Variants in MEIOB observed in about 807,000 individuals in gnomAD.
The protein encoded by MEIOB is meiosis specific with OB-fold, also known as meiosis-specific with OB domain-containing protein.
Under a neutral mutation model 53.1 loss-of-function variants are expected in MEIOB, and 50 were observed. That is an observed-to-expected ratio of 0.94 (90% CI 0.75 to 1.19). MEIOB has a LOEUF of 1.19. Among genes scored for constraint, MEIOB ranks in the 50% most tolerant of loss-of-function variants. The probability of loss-of-function intolerance (pLI) is 0.00; values close to 1 mark genes in which losing one functional copy is unlikely to be tolerated. For missense variants in MEIOB, 551 were observed against 550.8 expected, an observed-to-expected ratio of 1.00 and a Z score of 0.00; for synonymous variants, 192 against 182.5, an observed-to-expected ratio of 1.05 and a Z score of -0.42.
intron 9 of MEIOB, among the ~76,000 whole-genome samples, chr16:1,846,541 G>C (rs571212183): frequency 2.0e-5 from 3 of 152,108 alleles, no homozygotes; most frequent in Non-Finnish European, 4.4e-5. Flanking sequence ...CAAAGACATG[G>C]AACCAGCCCA....
intron 4 of MEIOB, among the ~76,000 whole-genome samples, chr16:1,860,876 C>G (rs1407375864): frequency 6.6e-6 from 1 of 152,134 alleles, no homozygotes; most frequent in African/African-American, 2.4e-5. Flanking sequence ...GGGGAGTCAG[C>G]TGCTTGAGAC....
At chr16:1,865,094 G>C (rs949994672) in intron 3 of MEIOB, among the ~76,000 whole-genome samples, 3 of 152,062 alleles carry the variant, frequency 2.0e-5, no homozygotes, top group African/African-American at 7.2e-5. Context: ...GACCAGCCTG[G>C]GCAACAGAGC....
At chr16:1,861,957 A>T (rs763795966) in intron 4 of MEIOB, 28 bp downstream of exon 4, 6 of 1,545,084 alleles carry the variant, frequency 3.9e-6, no homozygotes, top group Non-Finnish European at 5.2e-6. Context: ...CTATGATGGA[A>T]AAAGTTTAAG....
At chr16:1,846,555 G>A (rs62038437) in intron 9 of MEIOB, among the ~76,000 whole-genome samples, 26,572 of 152,016 alleles carry the variant, frequency 0.17, 2,431 homozygotes, top group South Asian at 0.26. Context: ...CAGCCCAAAT[G>A]ACCATCAGTG....
chr16:1,844,214 C>T (rs922607760), intron 10 of MEIOB, among the ~76,000 whole-genome samples: 2 of 151,234 alleles, frequency 1.3e-5, no homozygotes, highest in Admixed American at 6.6e-5. Context: ...CCTCCGCCTC[C>T]TGGGTTCAAG....
intron 9 of MEIOB, 64 bp from the exon 10 acceptor site, chr16:1,845,027 C>G: frequency 1.4e-6 from 1 of 728,436 alleles, no homozygotes; most frequent in Middle Eastern, 3.7e-4. Context: ...ACATTTAAAT[C>G]ATCCAAAATC....
intron 12 of MEIOB, among the ~76,000 whole-genome samples, chr16:1,838,888 C>T (rs889542709): frequency 2.0e-5 from 3 of 152,134 alleles, no homozygotes; most frequent in East Asian, 1.9e-4. Flanking sequence ...AATGGGGTTT[C>T]GCCATATTGG....
chr16:1,856,979 G>A (rs567425297), intron 6 of MEIOB, among the ~76,000 whole-genome samples: 226 of 152,176 alleles, frequency 1.5e-3, no homozygotes, highest in African/African-American at 5.1e-3. Flanking sequence ...GCCCCAGGCT[G>A]GTCTTGAACT....
At position 1,854,176 on chromosome 16, in the gene MEIOB, T is replaced by C; in HGVS notation, c.553A>G (p.Thr185Ala). Reference protein sequence around the residue: ...KSVGEPKYFTTSDRRKGQRCE... With the variant: ...KSVGEPKYFTASDRRKGQRCE... ...CTCTGGCCTTTTCTCCGGTCTGAAG[T>C]TGTAAAGTATTTTGGCTCTCCAACC... is the stretch of plus-strand genomic sequence containing the variant. Residue 185 changes from threonine (T) to alanine (A), a missense_variant, in exon 7 of 14, where the codon ACT becomes GCT. Coordinates refer to ENST00000325962, the MANE Select transcript of MEIOB (RefSeq NM_001163560.3). 1.3e-6 allele frequency: 2 copies of C among 1,548,970 alleles called. No individual in the cohort carries two copies. Among genetic ancestry groups the C allele is most frequent in the Non-Finnish European group, 1.7e-6 (2 of 1,144,928 alleles).
chr16:1,864,382 A>G (rs1899530537), intron 3 of MEIOB, among the ~76,000 whole-genome samples: 1 of 152,206 alleles, frequency 6.6e-6, no homozygotes, highest in Non-Finnish European at 1.5e-5. Flanking sequence ...CTTCCAAAAA[A>G]GGAATACCAC....
intron 5 of MEIOB, among the ~76,000 whole-genome samples, chr16:1,859,765 G>A (rs980412362): frequency 6.6e-6 from 1 of 152,020 alleles, no homozygotes; most frequent in Non-Finnish European, 1.5e-5. Flanking sequence ...TTACAGGCTG[G>A]TACAGGGCAC....
intron 2 of MEIOB, among the ~76,000 whole-genome samples, chr16:1,867,712 T>C (rs1328366438): frequency 6.6e-6 from 1 of 152,228 alleles, no homozygotes; most frequent in East Asian, 1.9e-4. Context: ...CCTCAGGTGA[T>C]CCAGCTGCCT....
chr16:1,852,566 T>C (rs765752066), intron 9 of MEIOB, among the ~76,000 whole-genome samples: 31 of 151,574 alleles, frequency 2.0e-4, no homozygotes. Context: ...AGCCTTGTTT[T>C]TTTTTTAAGA....
At chr16:1,840,444 T>C (rs1898871514) in intron 11 of MEIOB, among the ~76,000 whole-genome samples, 3 of 151,998 alleles carry the variant, frequency 2.0e-5, no homozygotes, top group African/African-American at 7.3e-5. Context: ...GACCAGTGGA[T>C]TGAATGGTGT....
chr16:1,850,448 G>A (rs1474246233), intron 9 of MEIOB, among the ~76,000 whole-genome samples: 5 of 151,980 alleles, frequency 3.3e-5, no homozygotes, highest in East Asian at 1.9e-4. Flanking sequence ...GCATGGTAGC[G>A]GGCACCTGGG....
At chr16:1,841,681 C>T (rs62038427) in intron 11 of MEIOB, 139 bp downstream of exon 11, 83,155 of 476,562 alleles carry the variant, frequency 0.17, 7,704 homozygotes, top group South Asian at 0.28. Flanking sequence ...CTTTTCAGTA[C>T]AGTTTTTTAC....
chr16:1,838,934 C>T (rs539621165), intron 12 of MEIOB, among the ~76,000 whole-genome samples: 7 of 152,146 alleles, frequency 4.6e-5, no homozygotes, highest in Non-Finnish European at 5.9e-5. Context: ...TCAAGTGATC[C>T]GCCCTCCTTG....
intron 6 of MEIOB, among the ~76,000 whole-genome samples, chr16:1,856,055 C>T (rs1262197578): frequency 6.6e-6 from 1 of 151,334 alleles, no homozygotes; most frequent in Non-Finnish European, 1.5e-5. Flanking sequence ...AGTGCAGTGG[C>T]GCCATCTCAG....
intron 1 of MEIOB, among the ~76,000 whole-genome samples, chr16:1,870,578 A>C (rs371533): frequency 0.83 from 125,530 of 152,116 alleles, 51,922 homozygotes; most frequent in Middle Eastern, 0.9. Context: ...ATTGTGGATA[A>C]CATCCACCTG....
Sources: allele counts gnomAD v4.1 joint callset (sites outside exome capture counted in the v4.1 genomes callset), GRCh38; gene constraint gnomAD v4.1.1; transcripts MANE v1.5; gene names NCBI Gene and HGNC (gene_info 2026-07-23, HGNC 2026-07-21).